Variants in CNTN1 observed in about 807,000 individuals in gnomAD.
The protein encoded by CNTN1 is contactin-1.
A neutral mutation model predicts 126.4 loss-of-function variants in CNTN1; 38 were observed. That is an observed-to-expected ratio of 0.30 (90% CI 0.23 to 0.39). CNTN1 has a LOEUF of 0.39. Among genes scored for constraint, CNTN1 ranks in the 10% least tolerant of loss-of-function variants. The pLI, the probability that CNTN1 is intolerant of heterozygous loss-of-function variation, is 1.00. For missense variants in CNTN1, 1,009 were observed against 1,248.4 expected (o/e 0.81, Z 2.89); for synonymous variants, 413 against 422.6 (o/e 0.98, Z 0.28).
rs540033934 is a variant in CNTN1, at chr12:40,906,255, A to G, written c.-76-2102A>G. On this transcript the variant is annotated intron_variant, in intron 1 of 23. Coordinates refer to ENST00000551295, the MANE Select transcript of CNTN1 (RefSeq NM_001843.4). The stretch of plus-strand genomic sequence containing the variant: ...CACTGCACTCCAGACTGGGCGACAG[A>G]GAGAGACTACGTCTCAAAAGAAAAA... Among the ~76,000 whole-genome samples the G allele has an allele frequency of 5.2e-4, 79 of 152,326 alleles. 2 individuals carry two copies. Among genetic ancestry groups the G allele is most frequent in the Admixed American group, 4.7e-3 (72 of 15,298 alleles).
intron 1 of CNTN1, among the ~76,000 whole-genome samples, chr12:40,867,054 A>T (rs1035043444): frequency 6.6e-6 from 1 of 152,214 alleles, no homozygotes; most frequent in African/African-American, 2.4e-5. Context: ...GTAGACAAGC[A>T]CAGTGTTATT....
intron 1 of CNTN1, among the ~76,000 whole-genome samples, chr12:40,781,631 C>G (rs770350630): frequency 6.6e-6 from 1 of 151,906 alleles, no homozygotes. Context: ...CATCATTAAT[C>G]AATTTTTTTA....
intron 23 of CNTN1, chr12:41,061,889 G>T: frequency 2.3e-6 from 1 of 425,886 alleles, no homozygotes; most frequent in Non-Finnish European, 4.7e-6. Flanking sequence ...CTAGAGGTAG[G>T]TCTTAAGCTG....
intron 1 of CNTN1, among the ~76,000 whole-genome samples, chr12:40,787,877 T>C (rs970294684): frequency 6.6e-6 from 1 of 152,158 alleles, no homozygotes; most frequent in African/African-American, 2.4e-5. Context: ...TGTATAATTT[T>C]ATCTGGAAAA....
At chr12:41,006,821 T>A (rs1052226078) in intron 17 of CNTN1, among the ~76,000 whole-genome samples, 4 of 152,132 alleles carry the variant, frequency 2.6e-5, no homozygotes, top group African/African-American at 9.6e-5. Flanking sequence ...ATGTCCTCTA[T>A]AGAAACATGG....
chr12:40,876,961 G>A (rs994482125), intron 1 of CNTN1, among the ~76,000 whole-genome samples: 1 of 151,992 alleles, frequency 6.6e-6, no homozygotes, highest in Non-Finnish European at 1.5e-5. Flanking sequence ...ACTTGTCTTT[G>A]TATACTGTTT....
chr12:40,838,686 C>T (rs1481892895), intron 1 of CNTN1, among the ~76,000 whole-genome samples: 1 of 152,116 alleles, frequency 6.6e-6, no homozygotes, highest in Non-Finnish European at 1.5e-5. Flanking sequence ...CTGTATGTAG[C>T]AAAAGAAATT....
intron 23 of CNTN1, among the ~76,000 whole-genome samples, chr12:41,060,493 T>C (rs1274182815): frequency 6.6e-6 from 1 of 152,218 alleles, no homozygotes; most frequent in Admixed American, 6.5e-5. Flanking sequence ...CACTTGTTTT[T>C]ATAAGTATGG....
intron 1 of CNTN1, among the ~76,000 whole-genome samples, chr12:40,835,124 G>T (rs779667694): frequency 6.6e-6 from 1 of 152,098 alleles, no homozygotes. Flanking sequence ...TGTTGTTTTT[G>T]TCTATTAAAA....
intron 12 of CNTN1, 95 bp downstream of exon 12, chr12:40,939,580 T>A (rs569492110): frequency 7.0e-7 from 1 of 1,438,034 alleles, no homozygotes; most frequent in South Asian, 1.2e-5. Context: ...AAAATGTTTT[T>A]TGCTCTGAAT....
At chr12:40,852,890 T>G (rs1942771364) in intron 1 of CNTN1, among the ~76,000 whole-genome samples, 1 of 83,022 alleles carries the variant, frequency 1.2e-5, no homozygotes, top group African/African-American at 5.3e-5. Flanking sequence ...TATTGCATAG[T>G]TTTTTTTTTA....
At chr12:40,760,309 AT>A (rs1263672991) in intron 1 of CNTN1, among the ~76,000 whole-genome samples, 2 of 152,210 alleles carry the variant, frequency 1.3e-5, no homozygotes, top group Non-Finnish European at 2.9e-5. Context: ...CATGTGAAGC[AT>A]CCCATGTGTC....
intron 1 of CNTN1, among the ~76,000 whole-genome samples, chr12:40,894,214 A>G (rs981450771): frequency 1.3e-5 from 2 of 152,140 alleles, no homozygotes; most frequent in African/African-American, 4.8e-5. Flanking sequence ...CAGCTTCTTC[A>G]TTTGCTAAGC....
intron 1 of CNTN1, among the ~76,000 whole-genome samples, chr12:40,846,576 C>A (rs144219360): frequency 1.3e-5 from 2 of 152,312 alleles, no homozygotes; most frequent in African/African-American, 4.8e-5. Flanking sequence ...AGTCAAGTCT[C>A]CACCACAACA....
At chr12:41,020,522 T>C in intron 20 of CNTN1, 82 bp downstream of exon 20, 2 of 871,934 alleles carry the variant, frequency 2.3e-6, no homozygotes, top group Middle Eastern at 3.3e-4. Context: ...TATGTTTCAA[T>C]GTCCCATTAA....
At chr12:40,922,647 C>A (rs533369439) in intron 5 of CNTN1, among the ~76,000 whole-genome samples, 111 of 152,104 alleles carry the variant, frequency 7.3e-4, no homozygotes, top group Middle Eastern at 3.4e-3. Flanking sequence ...TAAAGGAAGG[C>A]CAGCGTCTGA....
At chr12:40,790,042 C>A (rs1373279474) in intron 1 of CNTN1, among the ~76,000 whole-genome samples, 3 of 152,112 alleles carry the variant, frequency 2.0e-5, no homozygotes, top group Non-Finnish European at 4.4e-5. Flanking sequence ...TGCTGATCTT[C>A]CCACATGTGT....
intron 21 of CNTN1, among the ~76,000 whole-genome samples, 196 bp from the exon 22 acceptor site, chr12:41,027,661 T>C (rs1023393116): frequency 6.6e-6 from 1 of 152,096 alleles, no homozygotes; most frequent in Non-Finnish European, 1.5e-5. Context: ...ATTACCTAGC[T>C]CACAGGGCCA....
At position 40,784,969 on chromosome 12, in the gene CNTN1, A is replaced by G. The variant is rs543110336; in HGVS notation, c.-77+92377A>G. Reference sequence around the variant, plus strand: ...GGTGGATGCAAAAGGAATCCTTCGTAGTGTGAACCTAAATTCAAGGCATTT... The same window carrying G: ...GGTGGATGCAAAAGGAATCCTTCGTGGTGTGAACCTAAATTCAAGGCATTT... On this transcript the variant is annotated intron_variant, in intron 1 of 23. Transcript: ENST00000551295. Among the ~76,000 whole-genome samples, 77 of 152,228 alleles carry G rather than the reference A, an allele frequency of 5.1e-4. No individual in the cohort carries two copies. The South Asian group carries it at 9.1e-3, about 18-fold the overall frequency.
Sources: allele counts gnomAD v4.1 joint callset (sites outside exome capture counted in the v4.1 genomes callset), GRCh38; gene constraint gnomAD v4.1.1; transcripts MANE v1.5; gene names NCBI Gene and HGNC (gene_info 2026-07-23, HGNC 2026-07-21).